KIF13B: variants seen among roughly 807,000 people sequenced by gnomAD.
The protein encoded by KIF13B is kinesin-like protein KIF13B.
A neutral mutation model predicts 222.0 loss-of-function variants in KIF13B; 127 were observed. That is an observed-to-expected ratio of 0.57 (90% CI 0.50 to 0.66). KIF13B has a LOEUF of 0.66. Among genes scored for constraint, KIF13B ranks in the 30% least tolerant of loss-of-function variants. The pLI is 0.00. For missense variants in KIF13B, 2,173 were observed against 2,379.0 expected (o/e 0.91, Z 1.80); for synonymous variants, 976 against 919.0 (o/e 1.06, Z -1.12).
chr8:29,207,915 G>A (rs1039628029), intron 2 of KIF13B, among the ~76,000 whole-genome samples: 8 of 152,132 alleles, frequency 5.3e-5, no homozygotes, highest in Admixed American at 1.3e-4. Context: ...AGGAAAGCAC[G>A]GCAGACAGTC....
intron 37 of KIF13B, among the ~76,000 whole-genome samples, chr8:29,077,082 G>A (rs1268345211): frequency 6.6e-6 from 1 of 152,216 alleles, no homozygotes; most frequent in African/African-American, 2.4e-5. Context: ...CTGAGGCCCA[G>A]GACAGCTAGG....
At chr8:29,129,721 ACT>A (rs1310425891) in intron 24 of KIF13B, among the ~76,000 whole-genome samples, 2 of 151,992 alleles carry the variant, frequency 1.3e-5, no homozygotes, top group African/African-American at 2.4e-5. Context: ...GGCAGCACAG[ACT>A]CTGCGGATGC....
Position 29,208,504 on chromosome 8 carries a change from T to C in KIF13B, c.150-12305A>G, listed in dbSNP as rs181450172. Among the ~76,000 whole-genome samples the C allele has an allele frequency of 2.8e-3, 430 of 152,290 alleles. 2 individuals are homozygous for C. The highest frequency in any genetic ancestry group is 0.01 in the Middle Eastern group (3 of 294). On this transcript the variant is annotated intron_variant, in intron 2 of 39. Transcript: ENST00000524189. The stretch of plus-strand genomic sequence containing the variant: ...TGGTTTTTTCTAGGCAGAGGAGTTA[T>C]AGCTTTCAGATTCTTAAAATAGTCC...
rs1203433257 is a variant in KIF13B at position 29,188,574 on chromosome 8, T to G, written c.257A>C (p.Asn86Thr). 1.9e-6 allele frequency: 3 copies of G among 1,612,386 alleles called. No individual in the cohort carries two copies. The highest frequency in any genetic ancestry group is 2.5e-6 in the Non-Finnish European group (3 of 1,178,882). ...QDIVFKCLGENILQNAFDGYN... is the reference protein window; with the variant it reads ...QDIVFKCLGETILQNAFDGYN... The stretch of plus-strand genomic sequence containing the variant: ...GCCATCAAAAGCATTCTGCAGGATA[T>G]TCTCTCCAAGGCACTTGAAAACAAT... The change falls in exon 5 of 40, where the codon AAT becomes ACT. Residue 86 changes from asparagine (N) to threonine (T), a missense_variant. This residue lies in a region of KIF13B where 1,480 missense variants were observed against 1,722.8 expected (regional missense o/e 0.86). Transcript: ENST00000524189.
rs576809142 is a variant in KIF13B at position 29,072,052 on chromosome 8, G to A, written c.4786C>T (p.Pro1596Ser). ...LDAAAPPGSM[P>S]TAPEAEPEAP... ...TCGGGCTCGGCCTCAGGGGCGGTGGGCATGGACCCCGGCGGGGCCGCAGCG... is the reference window on the plus strand; with the variant it reads ...TCGGGCTCGGCCTCAGGGGCGGTGGACATGGACCCCGGCGGGGCCGCAGCG... The change falls in exon 39 of 40, where the codon CCC (proline) becomes TCC (serine). Residue 1596 changes from proline (P) to serine (S), a missense_variant. Physicochemically the swap from Pro to Ser is moderately conservative, Grantham distance 74. This residue lies in a region of KIF13B where 693 missense variants were observed against 656.2 expected (regional missense o/e 1.06). Coordinates refer to ENST00000524189, the MANE Select transcript of KIF13B (RefSeq NM_015254.4). The A allele has an allele frequency of 7.7e-7, 1 of 1,304,198 alleles. No individual in the cohort carries two copies. 80.8% of individuals were successfully genotyped at this position (1,304,198 alleles called of 1,614,324 possible). A position where few individuals can be genotyped will look rare whatever the true frequency, so the allele number is the denominator to read the frequency against.
At chr8:29,169,434 G>C (rs1212566706) in intron 10 of KIF13B, among the ~76,000 whole-genome samples, 2 of 152,202 alleles carry the variant, frequency 1.3e-5, no homozygotes, top group Non-Finnish European at 2.9e-5. Context: ...GTTCAGGCCT[G>C]AAGATTAAAT....
chr8:29,112,729 C>A (rs144792969), intron 32 of KIF13B, among the ~76,000 whole-genome samples: 17 of 152,280 alleles, frequency 1.1e-4, no homozygotes, highest in African/African-American at 4.1e-4. Context: ...CTTCTCCTGG[C>A]CCTGCAAGGG....
chr8:29,089,762 C>T (rs1243266761), intron 37 of KIF13B, among the ~76,000 whole-genome samples: 1 of 151,580 alleles, frequency 6.6e-6, no homozygotes, highest in East Asian at 1.9e-4. Flanking sequence ...AGCGTGGTGG[C>T]AGGTGCCTGT....
Position 29,075,323 on chromosome 8 carries a change from C to T in KIF13B, c.4479G>A (p.Val1493=). The T allele has an allele frequency of 6.4e-7, 1 of 1,559,744 alleles. No homozygotes were observed. The highest frequency in any genetic ancestry group is 1.2e-5 in the South Asian group (1 of 84,456). ...LAHQPVPRIM[V]QSASPDIRVT... is the part of the protein sequence containing the mutation. ...CCCTGATGTCCGGGCTGGCTGACTG[C>T]ACCATGATGCGGGGCACGGGCTGAG... The change falls in exon 38 of 40, where the codon GTG becomes GTA. Residue 1493 remains valine, a synonymous_variant. Transcript: ENST00000524189.
intron 12 of KIF13B, among the ~76,000 whole-genome samples, chr8:29,165,287 A>AT (rs909193820): frequency 4.6e-5 from 7 of 151,384 alleles, no homozygotes; most frequent in African/African-American, 1.2e-4. Context: ...TATTAGCAGT[A>AT]TTTTTTTTTC....
intron 24 of KIF13B, among the ~76,000 whole-genome samples, chr8:29,130,297 A>G (rs1197912548): frequency 2.0e-5 from 3 of 152,226 alleles, no homozygotes; most frequent in African/African-American, 4.8e-5. Flanking sequence ...GGATTGCTTG[A>G]GCCTAGGAGT....
Position 29,078,298 on chromosome 8 carries a change from CAA to C in KIF13B, c.4459-2957_4459-2956del, listed in dbSNP as rs35107118. Among the ~76,000 whole-genome samples, 26 of 102,808 alleles carry C rather than the reference CAA, an allele frequency of 2.5e-4. No homozygotes were observed. In the East Asian group the frequency reaches 3.3e-3, roughly 13 times the overall value. 67.4% of individuals were successfully genotyped at this position (102,808 alleles called of 152,430 possible). The stretch of plus-strand genomic sequence containing the variant: ...GGCCAACAATAGCAAAACTCCATCT[CAA>C]AAAAAAAAAAAAAGAGAGAGGATTC... On this transcript the variant is annotated intron_variant, in intron 37 of 39. Coordinates refer to ENST00000524189, the MANE Select transcript of KIF13B (RefSeq NM_015254.4).
intron 35 of KIF13B, 52 bp downstream of exon 35, chr8:29,108,087 C>G (rs369236876): frequency 7.9e-5 from 116 of 1,469,794 alleles, no homozygotes; most frequent in Non-Finnish European, 1.0e-4. Flanking sequence ...AAGATGAAAG[C>G]TGAATGGGAA....
chr8:29,245,832 T>C (rs1159724999), intron 1 of KIF13B, among the ~76,000 whole-genome samples: 3 of 152,120 alleles, frequency 2.0e-5, no homozygotes, highest in Non-Finnish European at 4.4e-5. Context: ...AGAATAAACA[T>C]GTTACGCAGA....
chr8:29,120,365 T>C (rs1315464289), intron 29 of KIF13B, among the ~76,000 whole-genome samples: 2 of 92,364 alleles, frequency 2.2e-5, no homozygotes, highest in African/African-American at 8.5e-5. Flanking sequence ...GAGTGTGATA[T>C]TCCCCTTCCT....
At chr8:29,162,492 G>A (rs1472295286) in intron 12 of KIF13B, among the ~76,000 whole-genome samples, 2 of 152,152 alleles carry the variant, frequency 1.3e-5, no homozygotes, top group Non-Finnish European at 2.9e-5. Flanking sequence ...AGAGTTTTCT[G>A]CACTCAATTC....
intron 14 of KIF13B, among the ~76,000 whole-genome samples, chr8:29,152,800 A>G (rs1033294744): frequency 6.6e-6 from 1 of 151,752 alleles, no homozygotes; most frequent in East Asian, 1.9e-4. Context: ...CTAGTCATGA[A>G]CTCCTGACCT....
intron 1 of KIF13B, among the ~76,000 whole-genome samples, chr8:29,250,722 A>T (rs542930874): frequency 6.6e-6 from 1 of 152,360 alleles, no homozygotes; most frequent in Non-Finnish European, 1.5e-5. Context: ...TACGGGCAGA[A>T]CATCTAGGAC....
chr8:29,107,761 C>T lies in KIF13B; in HGVS notation c.4215+378G>A, dbSNP rs999508880. On this transcript the variant is annotated intron_variant, in intron 35 of 39. Coordinates refer to ENST00000524189, the MANE Select transcript of KIF13B (RefSeq NM_015254.4). Reference sequence around the variant, plus strand: ...ATTTTTAGTAGAGACGGGGTTTCACCGTGTTAGCCAGGATGGTCTCGATCT... The same window carrying T: ...ATTTTTAGTAGAGACGGGGTTTCACTGTGTTAGCCAGGATGGTCTCGATCT... Among the ~76,000 whole-genome samples, 33 of 152,062 alleles carry T rather than the reference C, an allele frequency of 2.2e-4. No individual in the cohort carries two copies. The East Asian group carries it at 2.9e-3, about 14-fold the overall frequency.
Sources: gnomAD v4.1 joint callset for allele counts (sites outside exome capture counted in the v4.1 genomes callset) on GRCh38, gnomAD v4.1.1 for gene constraint, gnomAD v4.1.1 regional missense constraint, MANE v1.5 for transcripts, NCBI Gene and HGNC (gene_info 2026-07-23, HGNC 2026-07-21) for gene names.